AGTPBP1: variants seen among roughly 807,000 people sequenced by gnomAD.
The protein encoded by AGTPBP1 is cytosolic carboxypeptidase 1.
A neutral mutation model predicts 143.9 loss-of-function variants in AGTPBP1; 70 were observed. The observed-to-expected ratio is 0.49, with a 90% CI of 0.40 to 0.59. The LOEUF (loss-of-function observed/expected upper bound fraction) is 0.59. Among genes scored for constraint, AGTPBP1 ranks in the 20% least tolerant of loss-of-function variants. The pLI, the probability that AGTPBP1 is intolerant of heterozygous loss-of-function variation, is 0.00. For synonymous variants in AGTPBP1, 463 were observed against 500.2 expected (o/e 0.93, Z 0.99); for missense variants, 1,229 against 1,464.5 (o/e 0.84, Z 2.62).
chr9:85,771,399 C>G, the AGTPBP1 span, among the ~76,000 whole-genome samples: 8 of 152,020 alleles, frequency 5.3e-5, no homozygotes, highest in African/African-American at 1.9e-4. Flanking sequence ...TCACATGAGC[C>G]CAGCAATTTG....
the AGTPBP1 span, among the ~76,000 whole-genome samples, chr9:85,763,621 G>A: frequency 6.6e-6 from 1 of 151,750 alleles, no homozygotes; most frequent in East Asian, 1.9e-4. Context: ...CTTATATTGG[G>A]AGAATGGAGG....
chr9:85,741,994 C>T, upstream of AGTPBP1: 1 of 1,215,184 alleles, frequency 8.2e-7, no homozygotes. Flanking sequence ...GCCCCGCCCA[C>T]CGCACGCCTT....
At chr9:85,661,042 T>C in intron 8 of AGTPBP1, 69 bp from the exon 9 acceptor site, 3 of 1,305,468 alleles carry the variant, frequency 2.3e-6, no homozygotes, top group Non-Finnish European at 2.1e-6. Flanking sequence ...AGTAAATTCA[T>C]ACAATCTTTT....
At chr9:85,799,110 C>T in the AGTPBP1 span, among the ~76,000 whole-genome samples, 1 of 152,090 alleles carries the variant, frequency 6.6e-6, no homozygotes, top group Non-Finnish European at 1.5e-5. Context: ...TGATAGTTTG[C>T]TGAGAATGAT....
At chr9:85,597,910 A>T (rs529254926) in intron 17 of AGTPBP1, among the ~76,000 whole-genome samples, 1 of 152,252 alleles carries the variant, frequency 6.6e-6, no homozygotes, top group African/African-American at 2.4e-5. Flanking sequence ...AGTTCTTAAG[A>T]TGATCTTTCT....
intron 2 of AGTPBP1, among the ~76,000 whole-genome samples, chr9:85,705,890 C>A (rs1836960943): frequency 1.3e-5 from 2 of 151,960 alleles, no homozygotes; most frequent in African/African-American, 4.8e-5. Flanking sequence ...TGGGGTTTCA[C>A]CATGTTAGCC....
At chr9:85,778,751 C>G in the AGTPBP1 span, among the ~76,000 whole-genome samples, 1 of 152,316 alleles carries the variant, frequency 6.6e-6, no homozygotes, top group East Asian at 1.9e-4. Context: ...AGGCCCCACA[C>G]CACTGGACCC....
intron 18 of AGTPBP1, among the ~76,000 whole-genome samples, chr9:85,594,938 T>C (rs1829200120): frequency 6.6e-6 from 1 of 152,152 alleles, no homozygotes; most frequent in Admixed American, 6.5e-5. Context: ...TCTAAATAAT[T>C]CTAAAATCTA....
the AGTPBP1 span, among the ~76,000 whole-genome samples, chr9:85,794,683 G>A: frequency 6.6e-6 from 1 of 152,102 alleles, no homozygotes; most frequent in Non-Finnish European, 1.5e-5. Context: ...TCTACAAAGA[G>A]GGAGATGGAA....
chr9:85,779,622 C>T, the AGTPBP1 span, among the ~76,000 whole-genome samples: 13 of 152,120 alleles, frequency 8.5e-5, no homozygotes, highest in African/African-American at 3.1e-4. Context: ...ACACTCAATA[C>T]TTGGCATCAA....
intron 9 of AGTPBP1, among the ~76,000 whole-genome samples, chr9:85,659,177 A>T (rs907043976): frequency 2.6e-5 from 4 of 152,208 alleles, no homozygotes; most frequent in African/African-American, 9.6e-5. Context: ...ACAGAGCTAC[A>T]TGCAATCTGT....
chr9:85,651,987 C>A (rs1220796837), intron 11 of AGTPBP1, among the ~76,000 whole-genome samples: 1 of 152,104 alleles, frequency 6.6e-6, no homozygotes, highest in Non-Finnish European at 1.5e-5. Flanking sequence ...GGTAGAGGAG[C>A]ATCTTTTGTT....
intron 25 of AGTPBP1, among the ~76,000 whole-genome samples, chr9:85,552,800 C>T (rs138334843): frequency 2.6e-5 from 4 of 152,204 alleles, no homozygotes; most frequent in Non-Finnish European, 5.9e-5. Context: ...TCCTTTAACT[C>T]TGAACTCTTA....
At chr9:85,582,474 C>T (rs767452843) in intron 23 of AGTPBP1, among the ~76,000 whole-genome samples, 4 of 152,042 alleles carry the variant, frequency 2.6e-5, no homozygotes, top group African/African-American at 4.8e-5. Context: ...GTCAGGATTT[C>T]GAGACCAGCC....
At chr9:85,663,621 A>G (rs920155043) in intron 8 of AGTPBP1, among the ~76,000 whole-genome samples, 20 of 151,968 alleles carry the variant, frequency 1.3e-4, no homozygotes, top group Non-Finnish European at 1.9e-4. Flanking sequence ...GATGGGGGAA[A>G]AAAAAAAAAC....
rs560630232 is a variant in AGTPBP1, at chr9:85,734,992, G to A, written c.-34+6783C>T. 2.7e-4 allele frequency among the ~76,000 whole-genome samples: 41 copies of A among 152,080 alleles called. 1 individual carries two copies. The South Asian group carries it at 2.7e-3, about 10-fold the overall frequency. On this transcript the variant is annotated intron_variant, in intron 1 of 25. Transcript: ENST00000357081. ...AAAGGTTGCAGTGAGCTGAGATCGC[G>A]CCACTGCCCTCCAGCCTGGGCAACA...
chr9:85,747,176 A>C, the AGTPBP1 span, among the ~76,000 whole-genome samples: 2 of 152,210 alleles, frequency 1.3e-5, no homozygotes, highest in African/African-American at 4.8e-5. Flanking sequence ...ATTTTTAAAA[A>C]ATCAACTGGC....
the AGTPBP1 span, among the ~76,000 whole-genome samples, chr9:85,772,975 G>GA: frequency 3.3e-5 from 5 of 152,100 alleles, no homozygotes; most frequent in Non-Finnish European, 5.9e-5. Context: ...TATTAAAAAT[G>GA]AAAGTGTCGG....
At position 85,611,673 on chromosome 9, in the gene AGTPBP1, T is replaced by C. The variant is rs150539231; in HGVS notation, c.2335+7310A>G. Among the ~76,000 whole-genome samples, 6 of 152,286 alleles carry C rather than the reference T, an allele frequency of 3.9e-5. No individual in the cohort carries two copies. In the East Asian group the frequency reaches 1.2e-3, roughly 29 times the overall value. On this transcript the variant is annotated intron_variant, in intron 17 of 25. Transcript: ENST00000357081. ...TAGAAAGTTGAATAGATGTATAATATTAAATATGAAACAATATATTTTTGG... is the reference window on the plus strand; with the variant it reads ...TAGAAAGTTGAATAGATGTATAATACTAAATATGAAACAATATATTTTTGG...
Sources: allele counts gnomAD v4.1 joint callset (sites outside exome capture counted in the v4.1 genomes callset), GRCh38; gene constraint gnomAD v4.1.1; transcripts MANE v1.5; gene names NCBI Gene and HGNC (gene_info 2026-07-23, HGNC 2026-07-21).